The following ERCC3 variants were observed in gnomAD, a reference collection of about 807,000 sequenced individuals.
The protein encoded by ERCC3 is ERCC excision repair 3, TFIIH core complex helicase subunit.
Under a neutral mutation model 94.2 loss-of-function variants are expected in ERCC3, and 66 were observed. That is an observed-to-expected ratio of 0.70 (90% CI 0.57 to 0.86). ERCC3 has a LOEUF of 0.86. Ranked by LOEUF, ERCC3 falls within the 40% of genes least tolerant of loss-of-function variation. ERCC3 has a pLI of 0.00. For missense variants in ERCC3, 829 were observed against 987.1 expected (o/e 0.84, Z 2.15); for synonymous variants, 349 against 369.1 (o/e 0.95, Z 0.63).
chr2:127,279,943 A>G lies in ERCC3; in HGVS notation c.1527+504T>C, dbSNP rs1304289342. Among the ~76,000 whole-genome samples, 1 of 152,184 alleles carries G rather than the reference A, an allele frequency of 6.6e-6. No homozygotes were observed. Among genetic ancestry groups the G allele is most frequent in the Admixed American group, 6.5e-5 (1 of 15,278 alleles). ...TTCACACCAGCTGCAAGTGTGCGAAACCAGATTCTCAATTGGTAGTGTCAG... is the reference window on the plus strand; with the variant it reads ...TTCACACCAGCTGCAAGTGTGCGAAGCCAGATTCTCAATTGGTAGTGTCAG... On this transcript the variant is annotated intron_variant, in intron 9 of 14. Transcript: ENST00000285398. This position sits in a 1 kb window ranked among gnomAD's most constrained non-coding sequence, Gnocchi z 4.7.
rs1451606510 is a variant in ERCC3, at chr2:127,257,563, C to T, written c.*33G>A. Reference sequence around the variant, plus strand: ...ATCCCTTTCCAACAAGGGTGCCAAGCGCCGGTCTTGAACGAAGTACCCTGC... The same window carrying T: ...ATCCCTTTCCAACAAGGGTGCCAAGTGCCGGTCTTGAACGAAGTACCCTGC... On this transcript the variant is annotated 3_prime_UTR_variant, in exon 15 of 15. Transcript: ENST00000285398. This position sits in a 1 kb window ranked among gnomAD's most constrained non-coding sequence, Gnocchi z 5.4. The T allele has an allele frequency of 3.5e-5, 56 of 1,612,434 alleles. No individual in the cohort carries two copies. Among genetic ancestry groups the T allele is most frequent in the Non-Finnish European group, 4.2e-5 (50 of 1,179,792 alleles).
chr2:127,271,527 T>C lies in ERCC3; in HGVS notation c.1828-74A>G. On this transcript the variant is annotated intron_variant, in intron 11 of 14. Coordinates refer to ENST00000285398, the MANE Select transcript of ERCC3 (RefSeq NM_000122.2). This position sits in a 1 kb window ranked among gnomAD's most constrained non-coding sequence, Gnocchi z 5.0. ...TCAACTGATCCAGAATTTAAATAAG[T>C]TCTGTAGATAATTTTGAAACATAAT... 1.0e-6 allele frequency: 1 copy of C among 1,000,606 alleles called. No homozygotes were observed. The highest frequency in any genetic ancestry group is 1.6e-6 in the Non-Finnish European group (1 of 624,352). 62.0% of individuals were successfully genotyped at this position (1,000,606 alleles called of 1,614,324 possible). A position where few individuals can be genotyped will look rare whatever the true frequency, so the allele number is the denominator to read the frequency against.
chr2:127,292,582 G>A, intron 3 of ERCC3, 28 bp downstream of exon 3: 2 of 1,396,792 alleles, frequency 1.4e-6, no homozygotes, highest in Non-Finnish European at 2.0e-6. Context: ...CAGGGCAGGT[G>A]GAATTGCTGG....
At chr2:127,269,996 G>A (rs185650565) in intron 12 of ERCC3, among the ~76,000 whole-genome samples, 74 of 151,482 alleles carry the variant, frequency 4.9e-4, no homozygotes, top group Non-Finnish European at 1.0e-3. Flanking sequence ...ACTCCAGCCT[G>A]GGTGACAGAA....
At chr2:127,262,823 G>T (rs1180346432) in intron 12 of ERCC3, 2 of 152,168 alleles carry the variant, frequency 1.3e-5, no homozygotes, top group African/African-American at 4.8e-5. Flanking sequence ...TCCATTATGA[G>T]TTGATTTTTG....
At chr2:127,283,183 T>C (rs1404471090) in intron 8 of ERCC3, among the ~76,000 whole-genome samples, 1 of 152,030 alleles carries the variant, frequency 6.6e-6, no homozygotes, top group Non-Finnish European at 1.5e-5. Flanking sequence ...ATTTACATTT[T>C]TGTAACCAGC....
rs1573942834 is a variant in ERCC3 at position 127,274,185 on chromosome 2, G to A, written c.1731-1224C>T. ...AAAAAATTAGCTGGGTATGGTGGTGGGCACCTATAATCCCAGCTACTCAGG... is the reference window on the plus strand; with the variant it reads ...AAAAAATTAGCTGGGTATGGTGGTGAGCACCTATAATCCCAGCTACTCAGG... On this transcript the variant is annotated intron_variant, in intron 10 of 14. Transcript: ENST00000285398. The surrounding 1 kb of genome is among the most constrained non-coding windows in gnomAD (Gnocchi z 4.0). 6.6e-6 allele frequency among the ~76,000 whole-genome samples: 1 copy of A among 151,192 alleles called. No homozygotes were observed. The highest frequency in any genetic ancestry group is 2.4e-5 in the African/African-American group (1 of 41,100).
intron 7 of ERCC3, among the ~76,000 whole-genome samples, chr2:127,287,718 C>T (rs1235295124): frequency 2.0e-5 from 3 of 152,206 alleles, no homozygotes; most frequent in African/African-American, 7.2e-5. Flanking sequence ...GCTACTGGGT[C>T]CCAGCATGCC....
intron 12 of ERCC3, chr2:127,261,811 C>A (rs1159137784): frequency 4.8e-6 from 1 of 207,448 alleles, no homozygotes; most frequent in Non-Finnish European, 9.8e-6. Flanking sequence ...TGGCTACAAT[C>A]AAAAAAGCAG....
chr2:127,266,099 TTC>T (rs1215260277), intron 12 of ERCC3, among the ~76,000 whole-genome samples: 1 of 151,612 alleles, frequency 6.6e-6, no homozygotes, highest in Admixed American at 6.6e-5. Context: ...TTTTTCTTTT[TTC>T]TTTTATTTAG....
At position 127,264,149 on chromosome 2, in the gene ERCC3, A is replaced by G. The variant is rs1359567323; in HGVS notation, c.1946-2803T>C. 6.6e-6 allele frequency among the ~76,000 whole-genome samples: 1 copy of G among 152,100 alleles called. No homozygotes were observed. Among genetic ancestry groups the G allele is most frequent in the Non-Finnish European group, 1.5e-5 (1 of 68,024 alleles). ...CATTTGTTGAGGGTTTTTATCATGA[A>G]GGAATGTTGAATTTTATCAAAAGCT... is the stretch of plus-strand genomic sequence containing the variant. On this transcript the variant is annotated intron_variant, in intron 12 of 14. Coordinates refer to ENST00000285398, the MANE Select transcript of ERCC3 (RefSeq NM_000122.2). The surrounding 1 kb of genome is among the most constrained non-coding windows in gnomAD (Gnocchi z 4.4).
rs1291706578 is a variant in ERCC3 at position 127,277,174 on chromosome 2, T to C, written c.1730+1999A>G. 2.6e-5 allele frequency among the ~76,000 whole-genome samples: 4 copies of C among 152,104 alleles called. No individual in the cohort carries two copies. Among genetic ancestry groups the C allele is most frequent in the African/African-American group, 9.7e-5 (4 of 41,396 alleles). ...CCCCATGGTAACAGCTGGTGGTGTC[T>C]CTAGTCCTAGACAGCAAGCAGGCCA... On this transcript the variant is annotated intron_variant, in intron 10 of 14. Coordinates refer to ENST00000285398, the MANE Select transcript of ERCC3 (RefSeq NM_000122.2). The surrounding 1 kb of genome is among the most constrained non-coding windows in gnomAD (Gnocchi z 5.1).
intron 8 of ERCC3, among the ~76,000 whole-genome samples, chr2:127,285,350 T>C (rs1685031625): frequency 1.3e-5 from 2 of 152,268 alleles, no homozygotes; most frequent in Admixed American, 6.5e-5. Context: ...ACTTAAAGTC[T>C]GGACTTCAAG....
At chr2:127,261,165 TG>T in intron 13 of ERCC3, 62 bp downstream of exon 13, 1 of 959,530 alleles carries the variant, frequency 1.0e-6, no homozygotes, top group Non-Finnish European at 1.7e-6. Flanking sequence ...TCGCTTCTCC[TG>T]GAGGCCAGGG....
In ERCC3 at chr2:127,257,828, T is replaced by C. The variant is rs1573924266; in HGVS notation, c.2218-101A>G. 7.7e-7 allele frequency: 1 copy of C among 1,295,804 alleles called. No individual in the cohort carries two copies. The highest frequency in any genetic ancestry group is 1.1e-6 in the Non-Finnish European group (1 of 906,384). 80.3% of individuals were successfully genotyped at this position (1,295,804 alleles called of 1,614,324 possible). On this transcript the variant is annotated intron_variant, in intron 14 of 14. Transcript: ENST00000285398. The surrounding 1 kb of genome is among the most constrained non-coding windows in gnomAD (Gnocchi z 5.4). Reference sequence around the variant, plus strand: ...GCAAATTTTATAAGACTTACATAAATTTAATACATCATTTTTAATAATGTT... The same window carrying C: ...GCAAATTTTATAAGACTTACATAAACTTAATACATCATTTTTAATAATGTT...
chr2:127,294,034 G>A lies in ERCC3; in HGVS notation c.28+20C>T, dbSNP rs1214797721. Reference sequence around the variant, plus strand: ...CCGGCAAGGGCAGTCGTGGCTGAGCGTGCCCGCGCAACGTCTCACCGCGGT... The same window carrying A: ...CCGGCAAGGGCAGTCGTGGCTGAGCATGCCCGCGCAACGTCTCACCGCGGT... On this transcript the variant is annotated intron_variant, in intron 1 of 14. Coordinates refer to ENST00000285398, the MANE Select transcript of ERCC3 (RefSeq NM_000122.2). The A allele has an allele frequency of 1.2e-6, 2 of 1,603,804 alleles. No individual in the cohort carries two copies. Among genetic ancestry groups the A allele is most frequent in the African/African-American group, 1.3e-5 (1 of 74,962 alleles).
rs1684070509 is a variant in ERCC3 at position 127,257,924 on chromosome 2, C to T, written c.2218-197G>A. On this transcript the variant is annotated intron_variant, in intron 14 of 14. Transcript: ENST00000285398. This position sits in a 1 kb window ranked among gnomAD's most constrained non-coding sequence, Gnocchi z 5.4. ...GCATTATCTCCTCTAATCCTCAAAA[C>T]TACTATAATCCACACCTGAAAGAAG... Among the ~76,000 whole-genome samples, 2 of 152,126 alleles carry T rather than the reference C, an allele frequency of 1.3e-5. No homozygotes were observed. The highest frequency in any genetic ancestry group is 1.3e-4 in the Admixed American group (2 of 15,256).
rs1271142243 is a variant in ERCC3, at chr2:127,287,962, T to A, written c.1027+698A>T. On this transcript the variant is annotated intron_variant, in intron 7 of 14. Transcript: ENST00000285398. ...GTGAGTTACCAGGAATAAACGTAAA[T>A]AAAAAAAATTTGTAAAGTGAAATAA... Among the ~76,000 whole-genome samples the A allele has an allele frequency of 3.3e-5, 5 of 151,780 alleles. No homozygotes were observed. The East Asian group carries it at 9.6e-4, about 29-fold the overall frequency.
chr2:127,280,393 C>T lies in ERCC3; in HGVS notation c.1527+54G>A. 1 of 1,501,576 alleles carries T rather than the reference C, an allele frequency of 6.7e-7. No individual in the cohort carries two copies. Among genetic ancestry groups the T allele is most frequent in the Non-Finnish European group, 9.1e-7 (1 of 1,092,934 alleles). The allele number at this position is 1,501,576 out of a possible 1,614,324, so 93.0% of individuals were successfully genotyped here. ...CATGAGGAATCGATCTGATCACTCC[C>T]CTGCCCATAGGAGGAGGCCCTTTCC... is the stretch of plus-strand genomic sequence containing the variant. On this transcript the variant is annotated intron_variant, in intron 9 of 14. Coordinates refer to ENST00000285398, the MANE Select transcript of ERCC3 (RefSeq NM_000122.2). The surrounding 1 kb of genome is among the most constrained non-coding windows in gnomAD (Gnocchi z 6.3).
Sources: gnomAD v4.1 joint callset for allele counts (sites outside exome capture counted in the v4.1 genomes callset) on GRCh38, gnomAD v4.1.1 for gene constraint, Gnocchi (gnomAD v3.1) non-coding constraint, MANE v1.5 for transcripts, NCBI Gene and HGNC (gene_info 2026-07-23, HGNC 2026-07-21) for gene names.